Variants in GALNT14 observed in about 807,000 individuals in gnomAD.
The protein encoded by GALNT14 is UDP-GalNAc:polypeptide N-acetylgalactosaminyltransferase 14.
Under a neutral mutation model 77.5 loss-of-function variants are expected in GALNT14, and 60 were observed. The ratio of observed to expected loss-of-function variants is 0.77; its 90% confidence interval spans 0.63 to 0.96. The LOEUF (loss-of-function observed/expected upper bound fraction) is 0.96, where lower values mean the gene tolerates loss of function less well. Ranked by LOEUF, GALNT14 falls within the 40% of genes least tolerant of loss-of-function variation. GALNT14 has a pLI of 0.00. For synonymous variants in GALNT14, 280 were observed against 281.7 expected (o/e 0.99, Z 0.06); for missense variants, 710 against 731.0 (o/e 0.97, Z 0.33).
chr2:30,988,520 C>T (rs778209511), intron 2 of GALNT14, among the ~76,000 whole-genome samples: 3 of 152,118 alleles, frequency 2.0e-5, no homozygotes, highest in South Asian at 4.2e-4. Context: ...CCAAAGTCTC[C>T]GCAGAGCCCG....
chr2:31,124,964 A>G (rs1384586628), intron 1 of GALNT14, among the ~76,000 whole-genome samples: 5 of 152,218 alleles, frequency 3.3e-5, no homozygotes, highest in Admixed American at 2.6e-4. Context: ...AATGCAGGAC[A>G]CTTGACAGTC....
intron 5 of GALNT14, 25 bp downstream of exon 5, chr2:30,955,887 C>A: frequency 6.2e-7 from 1 of 1,613,446 alleles, no homozygotes; most frequent in Non-Finnish European, 8.5e-7. Context: ...ACACTGGAGG[C>A]TCCCGCACAA....
At chr2:30,893,514 C>T in the GALNT14 span, among the ~76,000 whole-genome samples, 150 of 152,270 alleles carry the variant, frequency 9.9e-4, 1 homozygote, top group African/African-American at 3.4e-3. Context: ...ATTTTATAAA[C>T]ATGTCACAAG....
intron 1 of GALNT14, among the ~76,000 whole-genome samples, chr2:31,044,919 G>GAA (rs1437281324): frequency 1.4e-5 from 2 of 145,098 alleles, no homozygotes; most frequent in Middle Eastern, 3.2e-3. Context: ...CATCTCAACA[G>GAA]AAAAAAAAAA....
At chr2:30,931,344 AAG>A (rs1337839169) in intron 10 of GALNT14, among the ~76,000 whole-genome samples, 1 of 152,198 alleles carries the variant, frequency 6.6e-6, no homozygotes, top group Non-Finnish European at 1.5e-5. Flanking sequence ...GGGTGGGGGA[AAG>A]AGAGAGAATC....
intron 1 of GALNT14, among the ~76,000 whole-genome samples, chr2:30,999,470 T>G (rs1400669967): frequency 6.6e-6 from 1 of 152,120 alleles, no homozygotes; most frequent in East Asian, 1.9e-4. Context: ...TCACTGAGAT[T>G]TGCACCTCCG....
intron 8 of GALNT14, 27 bp downstream of exon 8, chr2:30,944,831 A>C (rs780108826): frequency 3.9e-6 from 6 of 1,537,636 alleles, no homozygotes; most frequent in East Asian, 4.6e-5. Flanking sequence ...TGGTCTGCCC[A>C]CCCCTGCACA....
chr2:31,023,383 T>C (rs10209881), intron 1 of GALNT14, among the ~76,000 whole-genome samples: 60,990 of 151,858 alleles, frequency 0.4, 12,422 homozygotes, highest in East Asian at 0.55. Context: ...TAACTGTGCC[T>C]CTTTCCTTAC....
the GALNT14 span, among the ~76,000 whole-genome samples, chr2:30,905,189 C>T: frequency 1.3e-5 from 2 of 152,274 alleles, no homozygotes; most frequent in Non-Finnish European, 2.9e-5. Context: ...TCCTCACCAG[C>T]AACAGAACAA....
chr2:31,068,108 A>G (rs1675099901), intron 1 of GALNT14, among the ~76,000 whole-genome samples: 1 of 152,200 alleles, frequency 6.6e-6, no homozygotes, highest in Non-Finnish European at 1.5e-5. Context: ...CCAAAACTGG[A>G]AACTCTGGTC....
rs1573285716 is a variant in GALNT14 at position 31,066,548 on chromosome 2, C to A, written c.129+71410G>T. On this transcript the variant is annotated intron_variant, in intron 1 of 14. Coordinates refer to ENST00000349752, the MANE Select transcript of GALNT14 (RefSeq NM_024572.4). Reference sequence around the variant, plus strand: ...TGCAGGGAAGCCTTTAATGAGCACTCTTCCCTCAGAAATGCTGACAGGAGT... The same window carrying A: ...TGCAGGGAAGCCTTTAATGAGCACTATTCCCTCAGAAATGCTGACAGGAGT... 2.0e-5 allele frequency among the ~76,000 whole-genome samples: 3 copies of A among 152,274 alleles called. No homozygotes were observed. The Middle Eastern group carries it at 0.01, about 518-fold the overall frequency.
intron 6 of GALNT14, among the ~76,000 whole-genome samples, chr2:30,946,580 G>A (rs995568835): frequency 6.6e-6 from 1 of 152,144 alleles, no homozygotes; most frequent in African/African-American, 2.4e-5. Flanking sequence ...CCAGCATCAT[G>A]CTTCCTATAC....
At chr2:31,120,338 G>T (rs999832690) in intron 1 of GALNT14, among the ~76,000 whole-genome samples, 5 of 152,120 alleles carry the variant, frequency 3.3e-5, no homozygotes, top group African/African-American at 1.2e-4. Flanking sequence ...GTTACACAAT[G>T]CAGAGAGAAA....
At chr2:30,973,853 TTAACA>T (rs1407046297) in intron 2 of GALNT14, among the ~76,000 whole-genome samples, 1 of 152,184 alleles carries the variant, frequency 6.6e-6, no homozygotes, top group East Asian at 1.9e-4. Context: ...GAAAAGACCC[TTAACA>T]TAACAGTGAG....
At chr2:31,108,600 C>T (rs1258007536) in intron 1 of GALNT14, among the ~76,000 whole-genome samples, 2 of 152,238 alleles carry the variant, frequency 1.3e-5, no homozygotes, top group South Asian at 2.1e-4. Context: ...GAGCATTGGG[C>T]ATTCGGTTTT....
At position 31,022,215 on chromosome 2, in the gene GALNT14, C is replaced by A. The variant is rs896082510; in HGVS notation, c.130-29208G>T. 2.6e-5 allele frequency among the ~76,000 whole-genome samples: 4 copies of A among 152,166 alleles called. No homozygotes were observed. The South Asian group carries it at 8.3e-4, about 31-fold the overall frequency. The stretch of plus-strand genomic sequence containing the variant: ...GGGAGGGAAGAAGGAAGAGCTGGCA[C>A]AGACTTGATTTTCTCAGAAGAAATA... On this transcript the variant is annotated intron_variant, in intron 1 of 14. Transcript: ENST00000349752.
chr2:31,087,536 A>AGAGGAGAAGGGAGGAGAGG (rs1160670621), intron 1 of GALNT14, among the ~76,000 whole-genome samples: 1 of 150,406 alleles, frequency 6.6e-6, no homozygotes, highest in Non-Finnish European at 1.5e-5. Flanking sequence ...CGAGGAGAGG[A>AGAGGAGAAGGGAGGAGAGG]AGACCTCTAG....
chr2:30,972,656 C>A (rs1008932508), intron 2 of GALNT14, among the ~76,000 whole-genome samples: 3 of 152,230 alleles, frequency 2.0e-5, no homozygotes. Context: ...GTTGTAATAC[C>A]TCTGAACCAG....
intron 13 of GALNT14, among the ~76,000 whole-genome samples, chr2:30,916,519 AGG>A (rs2148208775): frequency 6.6e-6 from 1 of 152,288 alleles, no homozygotes; most frequent in South Asian, 2.1e-4. Flanking sequence ...CTGGGGGCTG[AGG>A]AGGAGGGGAG....
Sources: gnomAD v4.1 joint callset for allele counts (sites outside exome capture counted in the v4.1 genomes callset) on GRCh38, gnomAD v4.1.1 for gene constraint, MANE v1.5 for transcripts, NCBI Gene and HGNC (gene_info 2026-07-23, HGNC 2026-07-21) for gene names.